Variants in GRM7 observed in about 807,000 individuals in gnomAD.
GRM7 encodes the protein metabotropic glutamate receptor 7.
In GRM7, 35 loss-of-function variants were observed where a neutral mutation model predicts 84.5. The observed-to-expected ratio is 0.41, with a 90% CI of 0.32 to 0.55. The LOEUF (loss-of-function observed/expected upper bound fraction) is 0.55. GRM7 is among the 20% of genes least tolerant of loss of function. GRM7 has a pLI of 0.19. For missense variants in GRM7, 1,003 were observed against 1,194.6 expected (o/e 0.84, Z 2.36); for synonymous variants, 487 against 455.1 (o/e 1.07, Z -0.89).
At chr3:7,264,318 G>A (rs1442081501) in intron 2 of GRM7, among the ~76,000 whole-genome samples, 3 of 152,080 alleles carry the variant, frequency 2.0e-5, no homozygotes, top group South Asian at 2.1e-4. Context: ...CTCCACTACA[G>A]ACACTCCTGC....
chr3:7,688,587 G>A (rs1022524998), intron 9 of GRM7, among the ~76,000 whole-genome samples: 25 of 152,130 alleles, frequency 1.6e-4, no homozygotes, highest in African/African-American at 5.5e-4. Context: ...AGGAACACGT[G>A]ATTTACTTGT....
intron 1 of GRM7, among the ~76,000 whole-genome samples, chr3:7,031,562 G>A (rs1387874656): frequency 4.6e-5 from 7 of 151,694 alleles, no homozygotes; most frequent in South Asian, 2.1e-4. Flanking sequence ...GACTACAGGC[G>A]CCCGCCACCA....
intron 1 of GRM7, among the ~76,000 whole-genome samples, chr3:7,112,953 C>T (rs1021316907): frequency 6.6e-6 from 1 of 152,064 alleles, no homozygotes; most frequent in Non-Finnish European, 1.5e-5. Context: ...AGAAACAAAA[C>T]TGAGTTGGTT....
chr3:7,298,344 G>A lies in GRM7; in HGVS notation c.737-340G>A, dbSNP rs538847272. ...GGTTTACTTTTTGTAGTGTTATTAAGGGGTATTGCATTCATTTTAAAAACC... is the reference window on the plus strand; with the variant it reads ...GGTTTACTTTTTGTAGTGTTATTAAAGGGTATTGCATTCATTTTAAAAACC... On this transcript the variant is annotated intron_variant, in intron 2 of 9. Transcript: ENST00000357716. Among the ~76,000 whole-genome samples, 5 of 152,220 alleles carry A rather than the reference G, an allele frequency of 3.3e-5. No individual in the cohort carries two copies. The South Asian group carries it at 6.2e-4, about 19-fold the overall frequency.
chr3:7,370,067 A>G (rs979403694), intron 4 of GRM7, among the ~76,000 whole-genome samples: 6 of 152,258 alleles, frequency 3.9e-5, no homozygotes, highest in Admixed American at 1.3e-4. Context: ...GGGTAACTTC[A>G]TAATATATGA....
chr3:7,464,805 G>A (rs1698394729), intron 7 of GRM7, among the ~76,000 whole-genome samples: 1 of 148,258 alleles, frequency 6.7e-6, no homozygotes, highest in African/African-American at 2.5e-5. Context: ...TCCAGCCTGG[G>A]TGACAGAGCA....
intron 8 of GRM7, among the ~76,000 whole-genome samples, chr3:7,670,990 C>A (rs1382355695): frequency 1.3e-5 from 2 of 152,180 alleles, no homozygotes; most frequent in African/African-American, 4.8e-5. Flanking sequence ...AGGCAGAGAT[C>A]TAACATTTTT....
chr3:6,868,274 T>C (rs1037779535), intron 1 of GRM7, among the ~76,000 whole-genome samples: 1 of 152,200 alleles, frequency 6.6e-6, no homozygotes, highest in Non-Finnish European at 1.5e-5. Context: ...CGTATACTGC[T>C]CAGTTGTTGC....
chr3:7,526,413 T>C (rs1332307223), intron 7 of GRM7, among the ~76,000 whole-genome samples: 2 of 152,118 alleles, frequency 1.3e-5, no homozygotes, highest in Non-Finnish European at 2.9e-5. Flanking sequence ...AAGTTTCTTA[T>C]AGATTATGGA....
intron 1 of GRM7, among the ~76,000 whole-genome samples, chr3:7,072,634 C>T (rs763320391): frequency 4.0e-5 from 6 of 151,794 alleles, no homozygotes; most frequent in Non-Finnish European, 7.4e-5. Flanking sequence ...TGCAGTGAGC[C>T]GTTGAACACA....
rs1239731168 is a variant in GRM7 at position 6,967,225 on chromosome 3, GC to G, written c.519+105320del. Among the ~76,000 whole-genome samples, 3 of 151,984 alleles carry G rather than the reference GC, an allele frequency of 2.0e-5. No individual in the cohort carries two copies. The East Asian group carries it at 5.8e-4, about 29-fold the overall frequency. The stretch of plus-strand genomic sequence containing the variant: ...TTTTTTGGAGACAGAGTCTGGCTCT[GC>G]CACCCAGGCTGGAATGCATTGACAC... On this transcript the variant is annotated intron_variant, in intron 1 of 9. Transcript: ENST00000357716.
intron 1 of GRM7, among the ~76,000 whole-genome samples, chr3:7,041,864 A>G (rs1353090411): frequency 1.3e-5 from 2 of 152,150 alleles, no homozygotes; most frequent in African/African-American, 4.8e-5. Flanking sequence ...GCTCGCCTCT[A>G]AGGAGGGGCA....
intron 9 of GRM7, chr3:7,686,383 G>A (rs1404281944): frequency 6.6e-7 from 1 of 1,525,066 alleles, no homozygotes; most frequent in South Asian, 1.1e-5. Context: ...AAGAAAGAGT[G>A]TACAAAAGTC....
intron 2 of GRM7, among the ~76,000 whole-genome samples, chr3:7,166,327 A>G (rs1007337553): frequency 1.2e-4 from 18 of 152,188 alleles, no homozygotes; most frequent in African/African-American, 4.3e-4. Context: ...CAGAAACATT[A>G]TATACCAAAT....
chr3:6,982,786 AT>A (rs1405406481), intron 1 of GRM7, among the ~76,000 whole-genome samples: 1 of 152,202 alleles, frequency 6.6e-6, no homozygotes. Context: ...TTTGAGATTT[AT>A]CAAAATTGTC....
At chr3:7,558,649 G>C (rs374983461) in intron 7 of GRM7, among the ~76,000 whole-genome samples, 5 of 152,088 alleles carry the variant, frequency 3.3e-5, no homozygotes, top group African/African-American at 1.2e-4. Context: ...ACATATTTTA[G>C]TAAATAATAT....
chr3:7,426,772 G>T (rs563451502), intron 5 of GRM7, among the ~76,000 whole-genome samples: 2 of 152,278 alleles, frequency 1.3e-5, no homozygotes, highest in South Asian at 4.1e-4. Flanking sequence ...CCCTAGGCCA[G>T]TATCAGGCTT....
chr3:7,510,815 G>A (rs544786847), intron 7 of GRM7, among the ~76,000 whole-genome samples: 1 of 152,136 alleles, frequency 6.6e-6, no homozygotes, highest in Non-Finnish European at 1.5e-5. Flanking sequence ...CCATAAATAA[G>A]GTTTATTGGA....
chr3:7,415,555 G>A (rs916412980), intron 5 of GRM7, among the ~76,000 whole-genome samples: 1 of 152,128 alleles, frequency 6.6e-6, no homozygotes, highest in Non-Finnish European at 1.5e-5. Flanking sequence ...GAAACAGAGT[G>A]ATTGGGTTTA....
Sources: gnomAD v4.1 joint callset for allele counts (sites outside exome capture counted in the v4.1 genomes callset) on GRCh38, gnomAD v4.1.1 for gene constraint, MANE v1.5 for transcripts, NCBI Gene and HGNC (gene_info 2026-07-23, HGNC 2026-07-21) for gene names.